Variants in FUZ observed in about 807,000 individuals in gnomAD.
FUZ encodes the protein fuzzy planar cell polarity protein.
FUZ carries 31 observed loss-of-function variants against 43.1 expected under a neutral mutation model. The ratio of observed to expected loss-of-function variants is 0.72; its 90% CI spans 0.54 to 0.97. The LOEUF is 0.97. Among genes scored for constraint, FUZ ranks in the 50% least tolerant of loss-of-function variants. The pLI is 0.00. For synonymous variants in FUZ, 274 were observed against 250.0 expected, an observed-to-expected ratio of 1.10 and a Z score of -0.91; for missense variants, 539 against 543.8, an observed-to-expected ratio of 0.99 and a Z score of 0.09.
In FUZ at chr19:49,813,061, C is replaced by T. The variant is rs1329813602; in HGVS notation, c.46G>A (p.Ala16Thr). The T allele has an allele frequency of 9.7e-6, 15 of 1,551,208 alleles. No homozygotes were observed. Among genetic ancestry groups the T allele is most frequent in the Non-Finnish European group, 1.1e-5 (13 of 1,146,986 alleles). Reference protein sequence around the residue: ...TGGTVHLLCLAASSGVPLFCR... With the variant: ...TGGTVHLLCLTASSGVPLFCR... ...AATAGGGGGACCCCGCTGGAGGCCG[C>T]GAGGCACAGCAGATGCACAGTGCCG... Residue 16 changes from alanine to threonine, a missense_variant, in exon 1 of 11, where the codon GCG becomes ACG. Coordinates refer to ENST00000313777, the MANE Select transcript of FUZ (RefSeq NM_025129.5).
chr19:49,813,468 C>T, upstream of FUZ: 1 of 390,544 alleles, frequency 2.6e-6, no homozygotes, highest in Non-Finnish European at 4.9e-6. Flanking sequence ...AGCCACCATC[C>T]TGTAGGCTTT....
chr19:49,811,918 G>A (rs1016379660), intron 3 of FUZ, among the ~76,000 whole-genome samples: 1 of 152,114 alleles, frequency 6.6e-6, no homozygotes, highest in African/African-American at 2.4e-5. Flanking sequence ...GACCAGCCTG[G>A]CCAATATGGT....
chr19:49,811,730 AG>A (rs1251105001), intron 3 of FUZ, 31 bp from the exon 4 acceptor site: 1 of 1,571,848 alleles, frequency 6.4e-7, no homozygotes, highest in Non-Finnish European at 8.8e-7. Flanking sequence ...AGGATGGGCG[AG>A]GGGCTGGGAC....
Position 49,809,355 on chromosome 19 carries a change from G to T in FUZ, c.690+23C>A. 6.5e-7 allele frequency: 1 copy of T among 1,545,082 alleles called. No homozygotes were observed. The highest frequency in any genetic ancestry group is 8.7e-7 in the Non-Finnish European group (1 of 1,146,732). ...CTCGGCCCCCAGGTCACATCCCTCC[G>T]TCGGTGCCCGCCACCCACTCACCGT... is the stretch of plus-strand genomic sequence containing the variant. On this transcript the variant is annotated intron_variant, in intron 6 of 10. Coordinates refer to ENST00000313777, the MANE Select transcript of FUZ (RefSeq NM_025129.5). The surrounding 1 kb of genome is among the most constrained non-coding windows in gnomAD (Gnocchi z 5.1).
chr19:49,812,892 C>G (rs1460611564), intron 1 of FUZ, 104 bp downstream of exon 1: 8 of 1,347,542 alleles, frequency 5.9e-6, no homozygotes, highest in African/African-American at 2.9e-5. Context: ...CTCCTCGGTC[C>G]TACAAATTCA....
chr19:49,809,645 G>A lies in FUZ; in HGVS notation c.493-70C>T. On this transcript the variant is annotated intron_variant, in intron 5 of 10. Coordinates refer to ENST00000313777, the MANE Select transcript of FUZ (RefSeq NM_025129.5). The surrounding 1 kb of genome is among the most constrained non-coding windows in gnomAD (Gnocchi z 5.1). The stretch of plus-strand genomic sequence containing the variant: ...AGGGGGTGGCAGCGACTTCCCAGAT[G>A]GGCAGGGAATGGGGAGAAACCCACA... 1 of 1,482,164 alleles carries A rather than the reference G, an allele frequency of 6.7e-7. No individual in the cohort carries two copies. Among genetic ancestry groups the A allele is most frequent in the Non-Finnish European group, 9.1e-7 (1 of 1,098,554 alleles). 91.8% of individuals were successfully genotyped at this position (1,482,164 alleles called of 1,614,324 possible).
Position 49,809,257 on chromosome 19 carries a change from A to G in FUZ, c.692T>C (p.Val231Ala). The change falls in exon 7 of 11, where the codon GTC becomes GCC. Residue 231 changes from valine (V) to alanine (A), a missense_variant and splice_region_variant. By Grantham distance (64) the Val-to-Ala change is moderately conservative. Coordinates refer to ENST00000313777, the MANE Select transcript of FUZ (RefSeq NM_025129.5). The surrounding 1 kb of genome is among the most constrained non-coding windows in gnomAD (Gnocchi z 5.1). Reference protein sequence around the residue: ...PVYLPHGSPTVPHRLLTLTLL... With the variant: ...PVYLPHGSPTAPHRLLTLTLL... ...AGTCAGGGTCAGGAGCCGGTGTGGG[A>G]CCTGAAGCAGGGCACAGGCTGGGGC... The G allele has an allele frequency of 1.9e-6, 3 of 1,550,582 alleles. No individual in the cohort carries two copies. The highest frequency in any genetic ancestry group is 2.6e-6 in the Non-Finnish European group (3 of 1,146,836).
At chr19:49,810,968 G>A in intron 5 of FUZ, 1 of 350,772 alleles carries the variant, frequency 2.9e-6, no homozygotes, top group South Asian at 2.3e-5. Context: ...TGGCCAACAT[G>A]GTGAAACCCT....
chr19:49,810,031 CTTG>C (rs2073684975), intron 5 of FUZ, among the ~76,000 whole-genome samples: 2 of 152,160 alleles, frequency 1.3e-5, no homozygotes, highest in Admixed American at 1.3e-4. Flanking sequence ...AGGTTGGAAA[CTTG>C]TTGGGATCTC....
rs1312238540 is a variant in FUZ, at chr19:49,813,090, G to A, written c.17C>T (p.Thr6Met). The part of the protein sequence containing the change: MGEEG[T>M]GGTVHLLCLA... ...GCACAGCAGATGCACAGTGCCGCCC[G>A]TCCCCTCCTCCCCCATTTAGGACTC... The change falls in exon 1 of 11, where the codon ACG becomes ATG. Residue 6 changes from threonine (T) to methionine (M), a missense_variant. Coordinates refer to ENST00000313777, the MANE Select transcript of FUZ (RefSeq NM_025129.5). 1 of 1,551,336 alleles carries A rather than the reference G, an allele frequency of 6.4e-7. No individual in the cohort carries two copies. Among genetic ancestry groups the A allele is most frequent in the Admixed American group, 2.0e-5 (1 of 51,008 alleles).
intron 10 of FUZ, 160 bp downstream of exon 10, chr19:49,808,254 T>G: frequency 1.3e-6 from 1 of 769,466 alleles, no homozygotes; most frequent in Non-Finnish European, 2.2e-6. Flanking sequence ...TCCCTTCCCA[T>G]CTGCATCAAT....
Position 49,806,948 on chromosome 19 carries a change from A to C in FUZ, c.*203T>G, listed in dbSNP as rs1374362689. The C allele has an allele frequency of 6.5e-7, 1 of 1,533,728 alleles. No individual in the cohort carries two copies. The highest frequency in any genetic ancestry group is 2.0e-5 in the Admixed American group (1 of 50,910). Reference sequence around the variant, plus strand: ...GCTGCTGTTTACATTCTGGGGGGTTAGGGGGAGTCCCCCTCCCTCCCTTTC... The same window carrying C: ...GCTGCTGTTTACATTCTGGGGGGTTCGGGGGAGTCCCCCTCCCTCCCTTTC... On this transcript the variant is annotated 3_prime_UTR_variant, in exon 11 of 11. Coordinates refer to ENST00000313777, the MANE Select transcript of FUZ (RefSeq NM_025129.5).
rs2073669289 is a variant in FUZ at position 49,809,794 on chromosome 19, A to C, written c.493-219T>G. Reference sequence around the variant, plus strand: ...CTGTGAAGTCTGTGAAATCTGATTAAACATCTAGCCTGGGCGGGCAAACTG... The same window carrying C: ...CTGTGAAGTCTGTGAAATCTGATTACACATCTAGCCTGGGCGGGCAAACTG... On this transcript the variant is annotated intron_variant, in intron 5 of 10. Coordinates refer to ENST00000313777, the MANE Select transcript of FUZ (RefSeq NM_025129.5). This position sits in a 1 kb window ranked among gnomAD's most constrained non-coding sequence, Gnocchi z 5.1. 1 of 609,554 alleles carries C rather than the reference A, an allele frequency of 1.6e-6. No homozygotes were observed. The highest frequency in any genetic ancestry group is 2.9e-6 in the Non-Finnish European group (1 of 341,374). The allele number at this position is 609,554 out of a possible 1,614,324, so 37.8% of individuals were successfully genotyped here.
At position 49,809,103 on chromosome 19, in the gene FUZ, G is replaced by T; in HGVS notation, c.786+60C>A. 6.9e-7 allele frequency: 1 copy of T among 1,459,844 alleles called. No homozygotes were observed. The highest frequency in any genetic ancestry group is 9.4e-7 in the Non-Finnish European group (1 of 1,064,620). The allele number at this position is 1,459,844 out of a possible 1,614,324, so 90.4% of individuals were successfully genotyped here. A position where few individuals can be genotyped will look rare whatever the true frequency, so the allele number is the denominator to read the frequency against. On this transcript the variant is annotated intron_variant, in intron 7 of 10. Coordinates refer to ENST00000313777, the MANE Select transcript of FUZ (RefSeq NM_025129.5). This position sits in a 1 kb window ranked among gnomAD's most constrained non-coding sequence, Gnocchi z 5.1. ...GCCGCTGGCAGGGCAGGGTGGTGGG[G>T]AAGGGCCCTCCTGGTAGCGGGTGTC...
chr19:49,811,072 A>C (rs1600287719), intron 5 of FUZ: 53 of 428,566 alleles, frequency 1.2e-4, no homozygotes, highest in East Asian at 2.8e-4. Flanking sequence ...AATTACTTGA[A>C]CCCGGGAGGC....
intron 5 of FUZ, among the ~76,000 whole-genome samples, chr19:49,810,571 C>T (rs185198566): frequency 1.2e-4 from 18 of 149,156 alleles, no homozygotes; most frequent in Non-Finnish European, 1.8e-4. Flanking sequence ...CCTAGCTACT[C>T]GGGAGGTTGA....
At chr19:49,808,887 G>T in intron 7 of FUZ, 64 bp from the exon 8 acceptor site, 1 of 1,285,974 alleles carries the variant, frequency 7.8e-7, no homozygotes, top group East Asian at 2.5e-5. Flanking sequence ...GGAGGTCGGG[G>T]GGTGTACAAG....
At position 49,809,285 on chromosome 19, in the gene FUZ, A is replaced by G. The variant is rs2073626944; in HGVS notation, c.691-27T>C. ...TGAAGCAGGGCACAGGCTGGGGCTC[A>G]TCGCGGCCCGGCCCCTTTCCATCGC... On this transcript the variant is annotated intron_variant, in intron 6 of 10. Coordinates refer to ENST00000313777, the MANE Select transcript of FUZ (RefSeq NM_025129.5). This position sits in a 1 kb window ranked among gnomAD's most constrained non-coding sequence, Gnocchi z 5.1. 6.5e-7 allele frequency: 1 copy of G among 1,549,678 alleles called. No individual in the cohort carries two copies. Among genetic ancestry groups the G allele is most frequent in the African/African-American group, 1.4e-5 (1 of 73,024 alleles).
chr19:49,812,869 A>C, intron 1 of FUZ, 127 bp downstream of exon 1: 1 of 1,357,616 alleles, frequency 7.4e-7, no homozygotes, highest in East Asian at 2.4e-5. Flanking sequence ...AACCAGGCTT[A>C]TTGGTCCATT....
Sources: gnomAD v4.1 joint callset for allele counts (sites outside exome capture counted in the v4.1 genomes callset) on GRCh38, gnomAD v4.1.1 for gene constraint, Gnocchi (gnomAD v3.1) non-coding constraint, MANE v1.5 for transcripts, NCBI Gene and HGNC (gene_info 2026-07-23, HGNC 2026-07-21) for gene names.